The following SEMA3E variants were observed in gnomAD, a reference collection of about 807,000 sequenced individuals.
SEMA3E encodes the protein semaphorin-3E.
Under a neutral mutation model 93.6 loss-of-function variants are expected in SEMA3E, and 49 were observed. The ratio of observed to expected loss-of-function variants is 0.52; its 90% CI spans 0.42 to 0.66. The LOEUF is 0.66. Among genes scored for constraint, SEMA3E ranks in the 30% least tolerant of loss-of-function variants. The pLI, the probability that SEMA3E is intolerant of heterozygous loss-of-function variation, is 0.00. For synonymous variants in SEMA3E, 363 were observed against 330.7 expected (o/e 1.10, Z -1.06); for missense variants, 906 against 964.8 (o/e 0.94, Z 0.81).
intron 1 of SEMA3E, among the ~76,000 whole-genome samples, chr7:83,625,501 G>T (rs1793651897): frequency 6.7e-6 from 1 of 150,244 alleles, no homozygotes; most frequent in African/African-American, 2.4e-5. Flanking sequence ...TCATGATTTG[G>T]CTCTCTGTCT....
chr7:83,369,510 C>G (rs538796446), intron 16 of SEMA3E, among the ~76,000 whole-genome samples: 7 of 152,254 alleles, frequency 4.6e-5, no homozygotes, highest in African/African-American at 9.6e-5. Context: ...AAGTTAATAA[C>G]TCAGAAGCTT....
chr7:83,642,625 T>C (rs900627958), intron 1 of SEMA3E, among the ~76,000 whole-genome samples: 6 of 152,094 alleles, frequency 3.9e-5, no homozygotes, highest in Admixed American at 2.0e-4. Context: ...ATGTTTTCTC[T>C]TATGCCTCCA....
In SEMA3E at chr7:83,367,242, T is replaced by A. The variant is rs1179812677; in HGVS notation, c.*344A>T. ...GTTTTATATTTACCATGATTATAAG[T>A]CTCCAATTTTTCTTCAATATTCTAA... On this transcript the variant is annotated 3_prime_UTR_variant, in exon 17 of 17. Transcript: ENST00000643230. 3.9e-6 allele frequency: 1 copy of A among 257,664 alleles called. No individual in the cohort carries two copies. Among genetic ancestry groups the A allele is most frequent in the Non-Finnish European group, 7.5e-6 (1 of 133,118 alleles). The allele number at this position is 257,664 out of a possible 1,614,324, so 16.0% of individuals were successfully genotyped here.
chr7:83,604,561 C>A (rs1360754184), intron 1 of SEMA3E, among the ~76,000 whole-genome samples: 1 of 149,972 alleles, frequency 6.7e-6, no homozygotes, highest in Non-Finnish European at 1.5e-5. Flanking sequence ...CACATACATA[C>A]AACTGGTATA....
At chr7:83,413,823 T>C (rs1562771248) in intron 5 of SEMA3E, among the ~76,000 whole-genome samples, 1 of 152,208 alleles carries the variant, frequency 6.6e-6, no homozygotes, top group Non-Finnish European at 1.5e-5. Context: ...CCCATGGCTG[T>C]ACTCTTGAGT....
intron 6 of SEMA3E, 56 bp from the exon 7 acceptor site, chr7:83,407,295 A>T (rs13224391): frequency 1.4e-6 from 2 of 1,394,772 alleles, no homozygotes; most frequent in Non-Finnish European, 2.0e-6. Context: ...CTAAATGCTA[A>T]CAAGTTATTC....
chr7:83,456,815 T>A (rs993177408), intron 4 of SEMA3E, among the ~76,000 whole-genome samples: 3 of 152,080 alleles, frequency 2.0e-5, no homozygotes, highest in African/African-American at 7.2e-5. Flanking sequence ...GGTTTCACCA[T>A]GTTGGCCAGG....
rs1370452193 is a variant in SEMA3E, at chr7:83,617,005, G to A, written c.115+31423C>T. ...CTCCCAAAGTGCTGGGATTACAGGC[G>A]TAAGCCACCGTGCTTAAATATTCCA... On this transcript the variant is annotated intron_variant, in intron 1 of 16. Coordinates refer to ENST00000643230, the MANE Select transcript of SEMA3E (RefSeq NM_012431.3). 6.6e-5 allele frequency among the ~76,000 whole-genome samples: 10 copies of A among 152,044 alleles called. 1 individual carries two copies. The highest frequency in any genetic ancestry group is 3.3e-4 in the Admixed American group (5 of 15,250).
At chr7:83,480,285 A>G (rs2115937490) in intron 2 of SEMA3E, among the ~76,000 whole-genome samples, 1 of 152,260 alleles carries the variant, frequency 6.6e-6, no homozygotes, top group Middle Eastern at 3.4e-3. Flanking sequence ...CCAAAATTAC[A>G]AAACAAAATT....
At chr7:83,532,114 A>G (rs1481158481) in intron 1 of SEMA3E, among the ~76,000 whole-genome samples, 3 of 152,162 alleles carry the variant, frequency 2.0e-5, no homozygotes, top group Admixed American at 6.5e-5. Flanking sequence ...ATTTAAGACA[A>G]CATTAAAAAA....
intron 1 of SEMA3E, among the ~76,000 whole-genome samples, chr7:83,536,637 C>T (rs1336479146): frequency 6.6e-6 from 1 of 151,634 alleles, no homozygotes; most frequent in African/African-American, 2.4e-5. Context: ...ACAAAAGGTA[C>T]AATAAAACTT....
chr7:83,511,845 G>A (rs761924217), intron 1 of SEMA3E, among the ~76,000 whole-genome samples: 2 of 152,106 alleles, frequency 1.3e-5, no homozygotes, highest in Non-Finnish European at 1.5e-5. Context: ...GCAGTGAGCC[G>A]AGACCGCGCC....
At position 83,639,127 on chromosome 7, in the gene SEMA3E, A is replaced by AAAAAAC. The variant is rs1793944461; in HGVS notation, c.115+9300_115+9301insGTTTTT. Among the ~76,000 whole-genome samples, 12 of 139,996 alleles carry AAAAAAC rather than the reference A, an allele frequency of 8.6e-5. 1 individual carries two copies. The highest frequency in any genetic ancestry group is 3.2e-4 in the African/African-American group (12 of 37,072). 91.8% of individuals were successfully genotyped at this position (139,996 alleles called of 152,430 possible). On this transcript the variant is annotated intron_variant, in intron 1 of 16. Transcript: ENST00000643230. ...CTCCGTCTCAAAAAAAAAAAAAAAA[A>AAAAAAC]AAAAAAAAAAAAACAGAGATTCCTG...
At chr7:83,430,294 G>A (rs1584243567) in intron 4 of SEMA3E, among the ~76,000 whole-genome samples, 2 of 151,940 alleles carry the variant, frequency 1.3e-5, no homozygotes, top group East Asian at 3.9e-4. Flanking sequence ...GTGAAAACCT[G>A]TCTCTACTTA....
intron 1 of SEMA3E, among the ~76,000 whole-genome samples, chr7:83,528,457 G>A (rs1487793901): frequency 1.3e-5 from 2 of 152,094 alleles, no homozygotes; most frequent in East Asian, 3.9e-4. Flanking sequence ...AATCGTTCAA[G>A]TAGTAAACTG....
At chr7:83,380,499 T>C (rs1787755038) in intron 16 of SEMA3E, among the ~76,000 whole-genome samples, 1 of 151,900 alleles carries the variant, frequency 6.6e-6, no homozygotes, top group South Asian at 2.1e-4. Flanking sequence ...ATGTACCATA[T>C]TGTTTTTCAT....
intron 16 of SEMA3E, among the ~76,000 whole-genome samples, chr7:83,379,792 A>G (rs1787742552): frequency 6.6e-6 from 1 of 151,964 alleles, no homozygotes. Context: ...TGTAAAGTAG[A>G]AACAATAAAA....
chr7:83,533,931 G>T (rs1791356683), intron 1 of SEMA3E, among the ~76,000 whole-genome samples: 1 of 152,164 alleles, frequency 6.6e-6, no homozygotes, highest in Admixed American at 6.5e-5. Context: ...GCATTTCAGG[G>T]AGGGCTTCTT....
intron 7 of SEMA3E, 107 bp downstream of exon 7, chr7:83,406,990 C>G: frequency 7.4e-7 from 1 of 1,356,820 alleles, no homozygotes; most frequent in Non-Finnish European, 1.0e-6. Context: ...TGTAGGCAGT[C>G]TAAAGAATAC....
Sources: gnomAD v4.1 joint callset for allele counts (sites outside exome capture counted in the v4.1 genomes callset) on GRCh38, gnomAD v4.1.1 for gene constraint, MANE v1.5 for transcripts, NCBI Gene and HGNC (gene_info 2026-07-23, HGNC 2026-07-21) for gene names.